Variants in STK24 observed in about 807,000 individuals in gnomAD.
The protein encoded by STK24 is serine/threonine kinase 24, also known as serine/threonine-protein kinase 24.
STK24 carries 21 observed loss-of-function variants against 55.6 expected under a neutral mutation model. That is an observed-to-expected ratio of 0.38 (90% CI 0.27 to 0.54). The LOEUF is 0.54. Ranked by LOEUF, STK24 falls within the 20% of genes least tolerant of loss-of-function variation. STK24 has a pLI of 0.79. For synonymous variants in STK24, 200 were observed against 215.2 expected, an observed-to-expected ratio of 0.93 and a Z score of 0.62; for missense variants, 383 against 538.4, an observed-to-expected ratio of 0.71 and a Z score of 2.86.
At chr13:98,540,965 T>G (rs1177937348) in intron 1 of STK24, among the ~76,000 whole-genome samples, 1 of 152,046 alleles carries the variant, frequency 6.6e-6, no homozygotes, top group African/African-American at 2.4e-5. Context: ...ACAAGGTTAT[T>G]GGGCATCTGA....
In STK24 at chr13:98,446,799, G is replaced by A. The variant is rs1892869311; in HGVS notation, c.*6374C>T. The A allele has an allele frequency of 6.2e-7, 1 of 1,614,158 alleles. No individual in the cohort carries two copies. The highest frequency in any genetic ancestry group is 1.1e-5 in the South Asian group (1 of 91,078). ...CACGTCTACTACTTCAGGGCGGAAA[G>A]CGAGTACACGTTCGAAAGGTAGACA... On this transcript the variant is annotated 3_prime_UTR_variant, in exon 11 of 11. Transcript: ENST00000539966.
chr13:98,477,247 A>G (rs1894412958), intron 3 of STK24, among the ~76,000 whole-genome samples: 1 of 152,208 alleles, frequency 6.6e-6, no homozygotes, highest in Non-Finnish European at 1.5e-5. Context: ...AGAAATTTTA[A>G]TTTTCAAAAT....
intron 9 of STK24, among the ~76,000 whole-genome samples, chr13:98,458,080 A>T (rs576695581): frequency 2.7e-4 from 41 of 152,330 alleles, no homozygotes; most frequent in South Asian, 1.4e-3. Flanking sequence ...TCCAGAGTAG[A>T]GTCAAAATAT....
At chr13:98,457,493 G>C (rs748945338) in intron 9 of STK24, among the ~76,000 whole-genome samples, 189 bp from the exon 10 acceptor site, 3 of 146,592 alleles carry the variant, frequency 2.0e-5, no homozygotes, top group Non-Finnish European at 4.5e-5. Context: ...TTTGTGAGAC[G>C]GAGTCTGGCT....
At chr13:98,528,349 C>T (rs1284818625) in intron 1 of STK24, among the ~76,000 whole-genome samples, 1 of 152,154 alleles carries the variant, frequency 6.6e-6, no homozygotes, top group Non-Finnish European at 1.5e-5. Flanking sequence ...TGGGTGTTTT[C>T]CTGCTCCCTC....
intron 1 of STK24, among the ~76,000 whole-genome samples, chr13:98,560,325 A>G (rs1566405500): frequency 6.6e-6 from 1 of 152,306 alleles, no homozygotes; most frequent in South Asian, 2.1e-4. Flanking sequence ...GGAATGTATT[A>G]TTTCAATGAC....
Position 98,519,244 on chromosome 13 carries a change from T to C in STK24, c.272A>G (p.Lys91Arg). The change falls in exon 2 of 11, where the codon AAG (lysine) becomes AGG (arginine). Residue 91 changes from lysine (K) to arginine (R), a missense_variant and splice_region_variant. By Grantham distance (26) the Lys-to-Arg change is conservative. Coordinates refer to ENST00000539966, the MANE Select transcript of STK24 (RefSeq NM_001032296.4). ...YVTKYYGSYL[K>R]DTKLWIIMEY... is the part of the protein sequence containing the mutation. Reference sequence around the variant, plus strand: ...GAAGCACGTTATTTTAAGCCTTACCTTCAGATAGGATCCATAATATTTGGT... The same window carrying C: ...GAAGCACGTTATTTTAAGCCTTACCCTCAGATAGGATCCATAATATTTGGT... The C allele has an allele frequency of 3.1e-6, 5 of 1,613,498 alleles. No individual in the cohort carries two copies. The South Asian group carries it at 3.3e-5, about 11-fold the overall frequency.
intron 1 of STK24, among the ~76,000 whole-genome samples, chr13:98,566,428 G>A (rs1897572416): frequency 6.6e-6 from 1 of 152,208 alleles, no homozygotes; most frequent in African/African-American, 2.4e-5. Context: ...GAACACACAT[G>A]CTGGCCTCCC....
chr13:98,475,402 T>G, intron 3 of STK24, 44 bp from the exon 4 acceptor site: 1 of 1,380,554 alleles, frequency 7.2e-7, no homozygotes, highest in Non-Finnish European at 1.0e-6. Context: ...AATGATTATC[T>G]TATGAAAAGT....
At chr13:98,524,478 G>C (rs746944932) in intron 1 of STK24, among the ~76,000 whole-genome samples, 19 of 152,176 alleles carry the variant, frequency 1.2e-4, no homozygotes, top group Non-Finnish European at 2.6e-4. Context: ...GCTAGACCTG[G>C]GGCGAGACAC....
At chr13:98,503,095 C>T (rs1043524315) in intron 2 of STK24, among the ~76,000 whole-genome samples, 1 of 135,542 alleles carries the variant, frequency 7.4e-6, no homozygotes, top group African/African-American at 2.8e-5. Flanking sequence ...GGGCTCCAGG[C>T]ATAAACTCAA....
rs1896800263 is a variant in STK24, at chr13:98,538,606, ATCT to A, written c.43-19136_43-19134del. 5.9e-5 allele frequency among the ~76,000 whole-genome samples: 9 copies of A among 152,164 alleles called. No homozygotes were observed. In the South Asian group the frequency reaches 1.9e-3, roughly 32 times the overall value. On this transcript the variant is annotated intron_variant, in intron 1 of 10. Coordinates refer to ENST00000539966, the MANE Select transcript of STK24 (RefSeq NM_001032296.4). Reference sequence around the variant, plus strand: ...TGCTCCAAGGGGAGTTTGTGAGCTCATCTTATTCATTCTCTGCCCAGTCTCTTG... The same window carrying A: ...TGCTCCAAGGGGAGTTTGTGAGCTCATATTCATTCTCTGCCCAGTCTCTTG...
At chr13:98,457,427 G>A (rs1893511953) in intron 9 of STK24, 123 bp from the exon 10 acceptor site, 2 of 1,401,112 alleles carry the variant, frequency 1.4e-6, no homozygotes, top group Non-Finnish European at 9.7e-7. Context: ...GGGTGTCCGG[G>A]AAAAGCTTTG....
At chr13:98,565,944 C>T (rs1296815783) in intron 1 of STK24, among the ~76,000 whole-genome samples, 2 of 152,254 alleles carry the variant, frequency 1.3e-5, no homozygotes, top group Non-Finnish European at 2.9e-5. Context: ...GCAGTGCCAG[C>T]CCGGTGGGCT....
Position 98,448,226 on chromosome 13 carries a change from C to T in STK24, c.*4947G>A, listed in dbSNP as rs1388255453. 5.6e-6 allele frequency: 9 copies of T among 1,612,188 alleles called. No individual in the cohort carries two copies. The highest frequency in any genetic ancestry group is 3.3e-5 in the Admixed American group (2 of 59,998). ...CAAAAGGTTGACTAACTGGCGTTCCCGTGTTGCAGGTGGATGGAAGTGATC... is the reference window on the plus strand; with the variant it reads ...CAAAAGGTTGACTAACTGGCGTTCCTGTGTTGCAGGTGGATGGAAGTGATC... On this transcript the variant is annotated 3_prime_UTR_variant, in exon 11 of 11. Coordinates refer to ENST00000539966, the MANE Select transcript of STK24 (RefSeq NM_001032296.4).
rs139037623 is a variant in STK24, at chr13:98,448,034, C to G, written c.*5139G>C. On this transcript the variant is annotated 3_prime_UTR_variant, in exon 11 of 11. Transcript: ENST00000539966. ...GCAGCAAGGTACTTCCAGCTCCACACTGAGTGAGTGCCCAGGCCAGTGGGT... is the reference window on the plus strand; with the variant it reads ...GCAGCAAGGTACTTCCAGCTCCACAGTGAGTGAGTGCCCAGGCCAGTGGGT... 1.2e-4 allele frequency: 70 copies of G among 599,576 alleles called. 2 individuals carry two copies. The East Asian group carries it at 1.4e-3, about 12-fold the overall frequency. The allele number at this position is 599,576 out of a possible 1,614,324, so 37.1% of individuals were successfully genotyped here. A position where few individuals can be genotyped will look rare whatever the true frequency, so the allele number is the denominator to read the frequency against.
chr13:98,505,831 C>T (rs1256636814), intron 2 of STK24, among the ~76,000 whole-genome samples: 6 of 152,086 alleles, frequency 3.9e-5, no homozygotes, highest in Non-Finnish European at 7.3e-5. Flanking sequence ...CTGCTTTTCC[C>T]GGGACAAAGA....
At chr13:98,520,307 A>G (rs1384730619) in intron 1 of STK24, among the ~76,000 whole-genome samples, 1 of 152,178 alleles carries the variant, frequency 6.6e-6, no homozygotes, top group Admixed American at 6.5e-5. Flanking sequence ...CTCCCCACAA[A>G]TAACTGCCCA....
chr13:98,538,708 A>G (rs1896802445), intron 1 of STK24, among the ~76,000 whole-genome samples: 1 of 152,026 alleles, frequency 6.6e-6, no homozygotes, highest in Admixed American at 6.6e-5. Context: ...ACACCTGCCT[A>G]CAAAACCATG....
Sources: gnomAD v4.1 joint callset for allele counts (sites outside exome capture counted in the v4.1 genomes callset) on GRCh38, gnomAD v4.1.1 for gene constraint, MANE v1.5 for transcripts, NCBI Gene and HGNC (gene_info 2026-07-23, HGNC 2026-07-21) for gene names.